The following ADGRF4 variants were observed in gnomAD, a reference collection of about 807,000 sequenced individuals.
ADGRF4 encodes G-protein coupled receptor PGR18.
ADGRF4 carries 63 observed loss-of-function variants against 58.5 expected under a neutral mutation model. The ratio of observed to expected loss-of-function variants is 1.08; its 90% CI spans 0.88 to 1.33. The LOEUF is 1.33. Ranked by LOEUF, ADGRF4 falls within the 40% of genes most tolerant of loss-of-function variation. ADGRF4 has a pLI of 0.00. For synonymous variants in ADGRF4, 313 were observed against 295.4 expected (o/e 1.06, Z -0.61); for missense variants, 931 against 843.9 (o/e 1.10, Z -1.28).
intron 6 of ADGRF4, among the ~76,000 whole-genome samples, chr6:47,716,429 A>T (rs991333375): frequency 2.0e-5 from 3 of 152,134 alleles, no homozygotes; most frequent in African/African-American, 7.2e-5. Context: ...TTTTCTTAAG[A>T]CACCTTCCAT....
intron 9 of ADGRF4, among the ~76,000 whole-genome samples, chr6:47,719,448 A>C (rs1410146483): frequency 6.6e-6 from 1 of 152,128 alleles, no homozygotes; most frequent in Admixed American, 6.5e-5. Context: ...ACCTTTACAA[A>C]AGTTGACCCT....
At chr6:47,719,069 T>C (rs769989750) in intron 9 of ADGRF4, among the ~76,000 whole-genome samples, 1 of 152,202 alleles carries the variant, frequency 6.6e-6, no homozygotes, top group Non-Finnish European at 1.5e-5. Flanking sequence ...TCTGCATTGT[T>C]ATAGAAGAGT....
rs376249800 is a variant in ADGRF4 at position 47,718,445 on chromosome 6, T to C, written c.*3T>C. 50 of 1,544,286 alleles carry C rather than the reference T, an allele frequency of 3.2e-5. No homozygotes were observed. In the African/African-American group the frequency reaches 5.7e-4, roughly 18 times the overall value. On this transcript the variant is annotated splice_region_variant and 3_prime_UTR_variant, in exon 9 of 10. Coordinates refer to ENST00000283303, the MANE Select transcript of ADGRF4 (RefSeq NM_153838.5). ...AATTAATGAATCGTCAAGGATGAAA[T>C]GTGAGTATTAAAAATATAAAGAGAA...
rs1335840635 is a variant in ADGRF4 at position 47,716,954 on chromosome 6, G to C, written c.1974+107G>C. On this transcript the variant is annotated intron_variant, in intron 7 of 9. Transcript: ENST00000283303. The stretch of plus-strand genomic sequence containing the variant: ...AGCATACTCCAGGGGAGTTGAGTTT[G>C]TGAGGATGGTTCAAGGAATCAGCTG... 5.2e-6 allele frequency: 4 copies of C among 770,246 alleles called. No individual in the cohort carries two copies. In the African/African-American group the frequency reaches 5.3e-5, roughly 10 times the overall value. The allele number at this position is 770,246 out of a possible 1,614,324, so 47.7% of individuals were successfully genotyped here. A position where few individuals can be genotyped will look rare whatever the true frequency, so the allele number is the denominator to read the frequency against.
In ADGRF4 at chr6:47,714,131, C is replaced by T; in HGVS notation, c.886C>T (p.Pro296Ser). 1 of 1,613,956 alleles carries T rather than the reference C, an allele frequency of 6.2e-7. No homozygotes were observed. The highest frequency in any genetic ancestry group is 8.5e-7 in the Non-Finnish European group (1 of 1,179,964). ...ATCCCAAGCCATTAGCATAGCTTTC[C>T]CAACCTTGGGGGCTATCCTGAGAGA... ...NASQAISIAF[P>S]TLGAILREAH... The change falls in exon 6 of 10, where the codon CCA becomes TCA. Residue 296 changes from proline to serine, a missense_variant. Transcript: ENST00000283303.
chr6:47,706,299 G>GA (rs1771708305), intron 1 of ADGRF4, among the ~76,000 whole-genome samples: 1 of 152,070 alleles, frequency 6.6e-6, no homozygotes, highest in South Asian at 2.1e-4. Flanking sequence ...GAACTCTCAG[G>GA]AAAAAGGCAA....
At chr6:47,715,855 G>A (rs1384460481) in intron 6 of ADGRF4, among the ~76,000 whole-genome samples, 1 of 152,126 alleles carries the variant, frequency 6.6e-6, no homozygotes, top group Non-Finnish European at 1.5e-5. Context: ...AAAATAGAAA[G>A]CAGACTTTAA....
rs116076955 is a variant in ADGRF4 at position 47,716,748 on chromosome 6, A to G, written c.1933-58A>G. On this transcript the variant is annotated intron_variant, in intron 6 of 9. Transcript: ENST00000283303. ...TATCTAGAAGAGCGGTATGAAAATA[A>G]CAGCAGGAATATTTTTTGAAAAACC... 1.5e-3 allele frequency: 1,912 copies of G among 1,285,752 alleles called. 18 individuals are homozygous for G. The highest frequency in any genetic ancestry group is 0.013 in the African/African-American group (872 of 68,072). The allele number at this position is 1,285,752 out of a possible 1,614,324, so 79.6% of individuals were successfully genotyped here. A position where few individuals can be genotyped will look rare whatever the true frequency, so the allele number is the denominator to read the frequency against.
intron 1 of ADGRF4, among the ~76,000 whole-genome samples, chr6:47,699,991 C>T (rs151130573): frequency 6.6e-6 from 1 of 151,792 alleles, no homozygotes; most frequent in Non-Finnish European, 1.5e-5. Context: ...TCTAGTTAAC[C>T]TCTTTGGATT....
At chr6:47,702,023 G>A (rs891626224) in intron 1 of ADGRF4, among the ~76,000 whole-genome samples, 1 of 152,120 alleles carries the variant, frequency 6.6e-6, no homozygotes, top group African/African-American at 2.4e-5. Flanking sequence ...GTATTTAGTA[G>A]AGAGGGGGTT....
In ADGRF4 at chr6:47,708,228, G is replaced by A. The variant is rs559349972; in HGVS notation, c.98G>A (p.Gly33Glu). ...TTGGGAATTTATATTTTTCAGGCTG[G>A]AGATAAACTTCAAAGCCCTGAAGGG... ...HYRSKIHLKA[G>E]DKLQSPEGKP... The change falls in exon 3 of 10, where the codon GGA becomes GAA. Residue 33 changes from glycine (G) to glutamate (E), a missense_variant. Transcript: ENST00000283303. 6.2e-7 allele frequency: 1 copy of A among 1,611,694 alleles called. No homozygotes were observed. Among genetic ancestry groups the A allele is most frequent in the South Asian group, 1.1e-5 (1 of 91,016 alleles).
intron 5 of ADGRF4, 135 bp from the exon 6 acceptor site, chr6:47,713,663 T>C: frequency 1.6e-6 from 1 of 644,516 alleles, no homozygotes; most frequent in Non-Finnish European, 2.5e-6. Context: ...TGGATTCTAA[T>C]ACATAGGGAA....
intron 5 of ADGRF4, among the ~76,000 whole-genome samples, chr6:47,713,520 A>C (rs868300979): frequency 2.4e-4 from 37 of 152,166 alleles, no homozygotes; most frequent in African/African-American, 8.4e-4. Context: ...TTAAAATCTC[A>C]TGGGAAACTT....
rs367632631 is a variant in ADGRF4 at position 47,715,544 on chromosome 6, G to A, written c.1932+367G>A. The A allele has an allele frequency of 2.9e-5, 5 of 173,594 alleles. No homozygotes were observed. The South Asian group carries it at 5.5e-4, about 19-fold the overall frequency. 10.8% of individuals were successfully genotyped at this position (173,594 alleles called of 1,614,324 possible). On this transcript the variant is annotated intron_variant, in intron 6 of 9. Coordinates refer to ENST00000283303, the MANE Select transcript of ADGRF4 (RefSeq NM_153838.5). The stretch of plus-strand genomic sequence containing the variant: ...TTATCCAGTGGTTTGGGAACTCAGT[G>A]AGATAACAGTCACTTTCTATATTAT...
Position 47,714,524 on chromosome 6 carries a change from T to C in ADGRF4, c.1279T>C (p.Trp427Arg). 6.2e-7 allele frequency: 1 copy of C among 1,614,160 alleles called. No individual in the cohort carries two copies. The highest frequency in any genetic ancestry group is 8.5e-7 in the Non-Finnish European group (1 of 1,180,016). The change falls in exon 6 of 10, where the codon TGG becomes CGG. Residue 427 changes from tryptophan to arginine, a missense_variant. Trp to Arg is a moderately radical substitution (Grantham distance 101, BLOSUM62 -3). Transcript: ENST00000283303. ...TTGCCTGATCATTGAAGCCACAGTGTGGTCCCGGGTGGTTGTGACGGAGAT... is the reference window on the plus strand; with the variant it reads ...TTGCCTGATCATTGAAGCCACAGTGCGGTCCCGGGTGGTTGTGACGGAGAT... ...VLCLIIEATV[W>R]SRVVVTEISY...
At chr6:47,718,265 T>C (rs1490086611) in intron 8 of ADGRF4, 124 bp from the exon 9 acceptor site, 3 of 676,236 alleles carry the variant, frequency 4.4e-6, no homozygotes, top group Non-Finnish European at 8.2e-6. Flanking sequence ...TACTTCTGTG[T>C]AGCTATATCA....
chr6:47,707,726 G>T (rs1028067117), intron 2 of ADGRF4, among the ~76,000 whole-genome samples: 3 of 152,122 alleles, frequency 2.0e-5, no homozygotes, highest in Non-Finnish European at 2.9e-5. Context: ...AGTTTTTAAA[G>T]ATATTATTTA....
At chr6:47,701,021 C>T (rs76298012) in intron 1 of ADGRF4, among the ~76,000 whole-genome samples, 1,944 of 152,190 alleles carry the variant, frequency 0.013, 33 homozygotes, top group African/African-American at 0.044. Flanking sequence ...GCTCTGTTGA[C>T]CCATTGTGAT....
At position 47,710,791 on chromosome 6, in the gene ADGRF4, G is replaced by C; in HGVS notation, c.205G>C (p.Asp69His). 1 of 1,613,364 alleles carries C rather than the reference G, an allele frequency of 6.2e-7. No homozygotes were observed. Among genetic ancestry groups the C allele is most frequent in the Non-Finnish European group, 8.5e-7 (1 of 1,179,576 alleles). ...SSNCSQPCAK[D>H]FHGEIGFTCN... ...CAACTGCAGCCAGCCCTGTGCTAAG[G>C]ACTTTCATGGAGAAATAGGATTTAC... Residue 69 changes from aspartate to histidine, a missense_variant, in exon 4 of 10, where the codon GAC becomes CAC. By Grantham distance (81) the Asp-to-His change is moderately conservative. Coordinates refer to ENST00000283303, the MANE Select transcript of ADGRF4 (RefSeq NM_153838.5).
Sources: allele counts gnomAD v4.1 joint callset (sites outside exome capture counted in the v4.1 genomes callset), GRCh38; gene constraint gnomAD v4.1.1; transcripts MANE v1.5; gene names NCBI Gene and HGNC (gene_info 2026-07-23, HGNC 2026-07-21).